Variants in KRT77 observed in about 807,000 individuals in gnomAD.
KRT77 encodes keratin, type II cytoskeletal 1b.
KRT77 carries 44 observed loss-of-function variants against 51.5 expected under a neutral mutation model. The observed-to-expected ratio is 0.85, with a 90% CI of 0.67 to 1.10. The LOEUF (loss-of-function observed/expected upper bound fraction) is 1.10, where lower values mean the gene tolerates loss of function less well. Ranked by LOEUF, KRT77 falls within the 50% of genes least tolerant of loss-of-function variation. The probability of loss-of-function intolerance (pLI) is 0.00; values close to 1 mark genes in which losing one functional copy is unlikely to be tolerated. For missense variants in KRT77, 763 were observed against 743.9 expected (o/e 1.03, Z -0.30); for synonymous variants, 293 against 302.0 (o/e 0.97, Z 0.31).
At chr12:52,701,737 C>T (rs17736550) in intron 1 of KRT77, among the ~76,000 whole-genome samples, 19,183 of 152,306 alleles carry the variant, frequency 0.13, 1,628 homozygotes, top group Middle Eastern at 0.29. Flanking sequence ...GAAGTTTCAA[C>T]AGGGAACTAG....
At chr12:52,697,938 G>T in intron 1 of KRT77, 42 bp from the exon 2 acceptor site, 1 of 1,582,330 alleles carries the variant, frequency 6.3e-7, no homozygotes, top group South Asian at 1.1e-5. Flanking sequence ...CCATGGATCA[G>T]AGCAGCTCCC....
At chr12:52,693,072 C>T (rs941799503) in intron 5 of KRT77, among the ~76,000 whole-genome samples, 192 bp from the exon 6 acceptor site, 4 of 150,762 alleles carry the variant, frequency 2.7e-5, no homozygotes, top group African/African-American at 7.3e-5. Context: ...CATGCACACA[C>T]TCACACTATC....
chr12:52,702,526 A>ATG (rs370952515), intron 1 of KRT77, among the ~76,000 whole-genome samples: 797 of 51,328 alleles, frequency 0.016, 7 homozygotes, highest in African/African-American at 0.048. Flanking sequence ...GAATGGATGG[A>ATG]TGTGTGTGTG....
intron 1 of KRT77, among the ~76,000 whole-genome samples, chr12:52,699,162 ACT>A (rs1196247598): frequency 6.6e-6 from 1 of 152,092 alleles, no homozygotes; most frequent in African/African-American, 2.4e-5. Flanking sequence ...AATTCCTGCC[ACT>A]CTCTATTTTT....
Position 52,697,714 on chromosome 12 carries a change from G to A in KRT77, c.726C>T (p.Ser242=). The change falls in exon 2 of 9, where the codon AGC becomes AGT. Residue 242 remains serine (S), a synonymous_variant. Coordinates refer to ENST00000341809, the MANE Select transcript of KRT77 (RefSeq NM_175078.3). ...EQMRQNAEVR[S]MQDVVEDYKS... ...TGTAGTCCTCCACGACATCCTGCAT[G>A]CTCCTGACCTCCGCGTTCTGGCGCA... 1 of 1,613,926 alleles carries A rather than the reference G, an allele frequency of 6.2e-7. No individual in the cohort carries two copies. Among genetic ancestry groups the A allele is most frequent in the Non-Finnish European group, 8.5e-7 (1 of 1,179,922 alleles).
At position 52,690,209 on chromosome 12, in the gene KRT77, G is replaced by A. The variant is rs1941684422; in HGVS notation, c.*956C>T. The stretch of plus-strand genomic sequence containing the variant: ...GGCTTCAAAAGAATGGAGCTGTCAG[G>A]AGGAAACAGGACAGAAGCAGAACTT... On this transcript the variant is annotated 3_prime_UTR_variant, in exon 9 of 9. Transcript: ENST00000341809. 6.6e-6 allele frequency: 1 copy of A among 152,230 alleles called. No homozygotes were observed. Among genetic ancestry groups the A allele is most frequent in the African/African-American group, 2.4e-5 (1 of 41,450 alleles). The allele number at this position is 152,230 out of a possible 1,614,324, so 9.4% of individuals were successfully genotyped here.
intron 1 of KRT77, among the ~76,000 whole-genome samples, chr12:52,700,571 G>A (rs1222338370): frequency 2.6e-5 from 4 of 152,142 alleles, no homozygotes; most frequent in Admixed American, 1.3e-4. Context: ...GAGCAGGAGA[G>A]GAGGCAGAGG....
intron 1 of KRT77, among the ~76,000 whole-genome samples, chr12:52,701,608 T>C (rs891805840): frequency 6.6e-6 from 1 of 152,158 alleles, no homozygotes; most frequent in Non-Finnish European, 1.5e-5. Flanking sequence ...AAGGCAAAGT[T>C]CCTCCTGGGG....
intron 8 of KRT77, among the ~76,000 whole-genome samples, chr12:52,691,702 T>C (rs1326045112): frequency 6.6e-6 from 1 of 152,246 alleles, no homozygotes; most frequent in Non-Finnish European, 1.5e-5. Context: ...TGATTCCTCC[T>C]AGGCATCATT....
In KRT77 at chr12:52,695,752, C is replaced by T; in HGVS notation, c.915+20G>A. ...GAGATGTGAGAAAAGAAAGGAGGTT[C>T]TTATAAAGGCTTAACTCACCGTCAA... On this transcript the variant is annotated intron_variant, in intron 4 of 8. Coordinates refer to ENST00000341809, the MANE Select transcript of KRT77 (RefSeq NM_175078.3). The T allele has an allele frequency of 6.4e-7, 1 of 1,557,188 alleles. No individual in the cohort carries two copies. Among genetic ancestry groups the T allele is most frequent in the Non-Finnish European group, 8.9e-7 (1 of 1,128,772 alleles).
In KRT77 at chr12:52,691,379, G is replaced by A. The variant is rs199796258; in HGVS notation, c.1523C>T (p.Ser508Leu). ...ACCGCTGCCGCCGCCGTAGCCTCCT[G>A]AGCCGTAGCTGCCGCCGCCTCCCGC... ...GGAGGGGSYG[S>L]GGYGGGSGGG... Residue 508 changes from serine (S) to leucine (L), a missense_variant, in exon 9 of 9, where the codon TCA (serine) becomes TTA (leucine). Physicochemically the swap from Ser to Leu is moderately radical, Grantham distance 145. Transcript: ENST00000341809. 7.5e-6 allele frequency: 12 copies of A among 1,603,218 alleles called. No homozygotes were observed. Among genetic ancestry groups the A allele is most frequent in the Non-Finnish European group, 1.0e-5 (12 of 1,177,620 alleles).
intron 1 of KRT77, among the ~76,000 whole-genome samples, chr12:52,699,615 C>T (rs1185279256): frequency 6.6e-6 from 1 of 152,242 alleles, no homozygotes; most frequent in Admixed American, 6.5e-5. Flanking sequence ...CAGTGCTCCT[C>T]CCCTGCACAG....
At chr12:52,698,054 C>A in intron 1 of KRT77, 158 bp from the exon 2 acceptor site, 1 of 1,440,702 alleles carries the variant, frequency 6.9e-7, no homozygotes, top group Non-Finnish European at 9.3e-7. Context: ...TTGAGACACA[C>A]AGAGGGCAAT....
Position 52,691,984 on chromosome 12 carries a change from A to C in KRT77, c.1428-12T>G. On this transcript the variant is annotated splice_polypyrimidine_tract_variant and intron_variant, in intron 7 of 8. Coordinates refer to ENST00000341809, the MANE Select transcript of KRT77 (RefSeq NM_175078.3). ...GCTCTCCTGACATCCTGTAAAACCA[A>C]AGCACACGGTCAGCCAGACCCACAG... The C allele has an allele frequency of 6.2e-7, 1 of 1,613,918 alleles. No homozygotes were observed. The highest frequency in any genetic ancestry group is 8.5e-7 in the Non-Finnish European group (1 of 1,180,006).
rs1471448868 is a variant in KRT77 at position 52,702,941 on chromosome 12, C to A, written c.494G>T (p.Arg165Leu). Residue 165 changes from arginine to leucine, a missense_variant, in exon 1 of 9, where the codon CGG (arginine) becomes CTG (leucine). Transcript: ENST00000341809. ...GTTGTTGAGAACCATAATCTGCTCC[C>A]GCTCCTGGGTCTTGATCCTCTGAAT... Reference protein sequence around the residue: ...PEIQRIKTQEREQIMVLNNKF... With the variant: ...PEIQRIKTQELEQIMVLNNKF... 1 of 1,613,922 alleles carries A rather than the reference C, an allele frequency of 6.2e-7. No homozygotes were observed. Among genetic ancestry groups the A allele is most frequent in the African/African-American group, 1.3e-5 (1 of 74,846 alleles).
At position 52,702,949 on chromosome 12, in the gene KRT77, G is replaced by C; in HGVS notation, c.486C>G (p.Thr162=). ...EVDPEIQRIK[T]QEREQIMVLN... The stretch of plus-strand genomic sequence containing the variant: ...GAACCATAATCTGCTCCCGCTCCTG[G>C]GTCTTGATCCTCTGAATTTCAGGGT... The change falls in exon 1 of 9, where the codon ACC becomes ACG. Residue 162 remains threonine, a synonymous_variant. Transcript: ENST00000341809. 1.2e-6 allele frequency: 2 copies of C among 1,613,970 alleles called. No individual in the cohort carries two copies. The highest frequency in any genetic ancestry group is 2.7e-5 in the African/African-American group (2 of 74,954).
At chr12:52,701,716 G>A (rs931245060) in intron 1 of KRT77, among the ~76,000 whole-genome samples, 1 of 152,228 alleles carries the variant, frequency 6.6e-6, no homozygotes, top group African/African-American at 2.4e-5. Flanking sequence ...CTGCTGCTTT[G>A]GACCTAATCT....
intron 1 of KRT77, chr12:52,698,192 A>G (rs930205552): frequency 7.6e-7 from 1 of 1,315,890 alleles, no homozygotes; most frequent in Non-Finnish European, 1.0e-6. Context: ...CACTCAATTT[A>G]TCCATGCCAA....
rs534871205 is a variant in KRT77 at position 52,701,275 on chromosome 12, G to A, written c.543+1617C>T. On this transcript the variant is annotated intron_variant, in intron 1 of 8. Transcript: ENST00000341809. Reference sequence around the variant, plus strand: ...TCTAACCCCTGCCTTTGCCTGAAGCGTGGTGATACTCAGCCAAATTTCCCA... The same window carrying A: ...TCTAACCCCTGCCTTTGCCTGAAGCATGGTGATACTCAGCCAAATTTCCCA... Among the ~76,000 whole-genome samples the A allele has an allele frequency of 1.9e-4, 29 of 152,326 alleles. No homozygotes were observed. The South Asian group carries it at 3.1e-3, about 16-fold the overall frequency.
Sources: gnomAD v4.1 joint callset for allele counts (sites outside exome capture counted in the v4.1 genomes callset) on GRCh38, gnomAD v4.1.1 for gene constraint, MANE v1.5 for transcripts, NCBI Gene and HGNC (gene_info 2026-07-23, HGNC 2026-07-21) for gene names.